PALM2AKAP2: variants seen among roughly 807,000 people sequenced by gnomAD.
The protein encoded by PALM2AKAP2 is PALM2 and AKAP2 fusion.
A neutral mutation model predicts 71.5 loss-of-function variants in PALM2AKAP2; 37 were observed. The observed-to-expected ratio is 0.52, with a 90% confidence interval of 0.40 to 0.68. PALM2AKAP2 has a LOEUF of 0.68. Ranked by LOEUF, PALM2AKAP2 falls within the 30% of genes least tolerant of loss-of-function variation. PALM2AKAP2 has a pLI of 0.00. For synonymous variants in PALM2AKAP2, 468 were observed against 478.8 expected (o/e 0.98, Z 0.29); for missense variants, 1,224 against 1,191.8 (o/e 1.03, Z -0.40).
rs1835484547 is a variant in PALM2AKAP2 at position 110,121,434 on chromosome 9, T to A, written c.157-14693T>A. ...GCTTCCTTCTCTGTGTGCCTTGAATTGGGCCTTGGAGCAGCTTGAAAAGCT... is the reference window on the plus strand; with the variant it reads ...GCTTCCTTCTCTGTGTGCCTTGAATAGGGCCTTGGAGCAGCTTGAAAAGCT... On this transcript the variant is annotated intron_variant, in intron 1 of 3. Transcript: ENST00000374525. Among the ~76,000 whole-genome samples the A allele has an allele frequency of 3.9e-5, 6 of 152,108 alleles. No homozygotes were observed. In the South Asian group the frequency reaches 1.2e-3, roughly 31 times the overall value.
intron 1 of PALM2AKAP2, among the ~76,000 whole-genome samples, chr9:109,805,710 T>C (rs1046678514): frequency 6.6e-6 from 1 of 152,246 alleles, no homozygotes; most frequent in African/African-American, 2.4e-5. Context: ...AGCGACTGAA[T>C]AGATACTTGG....
intron 1 of PALM2AKAP2, among the ~76,000 whole-genome samples, chr9:109,655,794 T>A (rs2132236734): frequency 6.6e-6 from 1 of 152,362 alleles, no homozygotes; most frequent in African/African-American, 2.4e-5. Flanking sequence ...TGAATAATAT[T>A]CCATTGTATG....
At chr9:110,099,792 G>A (rs1053913702) in intron 1 of PALM2AKAP2, among the ~76,000 whole-genome samples, 6 of 151,962 alleles carry the variant, frequency 3.9e-5, no homozygotes, top group East Asian at 1.9e-4. Context: ...GTCAGTTTGC[G>A]CTTTTATGAT....
intron 1 of PALM2AKAP2, among the ~76,000 whole-genome samples, chr9:109,803,374 G>A (rs1827485663): frequency 6.6e-6 from 1 of 152,152 alleles, no homozygotes; most frequent in South Asian, 2.1e-4. Flanking sequence ...TCAAAATGCT[G>A]TTAACCAGGG....
rs114094235 is a variant in PALM2AKAP2 at position 109,732,857 on chromosome 9, G to A, written c.6-47631G>A. 5.0e-3 allele frequency among the ~76,000 whole-genome samples: 765 copies of A among 152,244 alleles called. 9 individuals carry two copies. The highest frequency in any genetic ancestry group is 0.017 in the African/African-American group (722 of 41,544). Reference sequence around the variant, plus strand: ...TGGAGCAAGTTGTGCAAAATTCAGTGTTGAAGAGTGTTCCTGGCAGAGGTT... The same window carrying A: ...TGGAGCAAGTTGTGCAAAATTCAGTATTGAAGAGTGTTCCTGGCAGAGGTT... On this transcript the variant is annotated intron_variant, in intron 1 of 6. Coordinates refer to the PALM2AKAP2 transcript ENST00000374531.
intron 3 of PALM2AKAP2, among the ~76,000 whole-genome samples, chr9:109,888,506 C>T (rs543679424): frequency 9.7e-4 from 148 of 151,954 alleles, no homozygotes; most frequent in African/African-American, 3.3e-3. Context: ...GTCAGGAGTC[C>T]GAGACCAGCC....
At chr9:109,850,647 T>C (rs1306695804) in intron 1 of PALM2AKAP2, among the ~76,000 whole-genome samples, 1 of 152,180 alleles carries the variant, frequency 6.6e-6, no homozygotes, top group African/African-American at 2.4e-5. Flanking sequence ...GTCAAAAATA[T>C]CATTGACTTG....
At chr9:109,812,716 T>A (rs1827756603) in intron 1 of PALM2AKAP2, among the ~76,000 whole-genome samples, 1 of 152,114 alleles carries the variant, frequency 6.6e-6, no homozygotes, top group Non-Finnish European at 1.5e-5. Flanking sequence ...CTTGCCAGCT[T>A]TATTCTTCCC....
chr9:109,981,560 T>A (rs759355552), intron 6 of PALM2AKAP2, among the ~76,000 whole-genome samples: 43 of 152,190 alleles, frequency 2.8e-4, no homozygotes, highest in African/African-American at 1.0e-3. Context: ...TAATAAGGAA[T>A]TAACACATAA....
intron 1 of PALM2AKAP2, among the ~76,000 whole-genome samples, chr9:110,055,992 C>G (rs1400307637): frequency 1.3e-5 from 2 of 152,174 alleles, no homozygotes; most frequent in Non-Finnish European, 2.9e-5. Flanking sequence ...TAGGACTGAG[C>G]TAGACTTTTT....
intron 6 of PALM2AKAP2, among the ~76,000 whole-genome samples, chr9:109,948,443 G>A (rs1449492688): frequency 6.6e-6 from 1 of 152,140 alleles, no homozygotes; most frequent in Non-Finnish European, 1.5e-5. Flanking sequence ...ATGTAATTTT[G>A]GGGACTGCAG....
chr9:109,782,778 A>ATG (rs1376535025), intron 1 of PALM2AKAP2, among the ~76,000 whole-genome samples: 4 of 117,354 alleles, frequency 3.4e-5, no homozygotes, highest in African/African-American at 1.4e-4. Flanking sequence ...GTGTGTGTGT[A>ATG]TGTGTGTGTG....
At chr9:110,133,884 T>C (rs908845906) in intron 1 of PALM2AKAP2, among the ~76,000 whole-genome samples, 3 of 152,246 alleles carry the variant, frequency 2.0e-5, no homozygotes, top group Non-Finnish European at 4.4e-5. Context: ...TTACTTGAAA[T>C]TGAATGGCAG....
At chr9:109,712,702 C>G (rs1348093681) in intron 1 of PALM2AKAP2, among the ~76,000 whole-genome samples, 2 of 152,184 alleles carry the variant, frequency 1.3e-5, no homozygotes, top group Non-Finnish European at 1.5e-5. Flanking sequence ...CTTGGAGTTA[C>G]AGAATGTTTG....
At chr9:110,028,831 A>G (rs1833228266) in intron 7 of PALM2AKAP2, among the ~76,000 whole-genome samples, 1 of 151,572 alleles carries the variant, frequency 6.6e-6, no homozygotes, top group Admixed American at 6.6e-5. Flanking sequence ...CTGTATTTTT[A>G]TTTGCCAAGT....
intron 3 of PALM2AKAP2, among the ~76,000 whole-genome samples, chr9:109,881,184 C>T (rs1056299891): frequency 6.6e-6 from 1 of 152,168 alleles, no homozygotes; most frequent in Non-Finnish European, 1.5e-5. Context: ...TGGCCTCCAC[C>T]TCTATCCATG....
At chr9:109,681,517 A>G (rs1300128930) in intron 1 of PALM2AKAP2, among the ~76,000 whole-genome samples, 1 of 152,208 alleles carries the variant, frequency 6.6e-6, no homozygotes, top group Non-Finnish European at 1.5e-5. Flanking sequence ...TCCTGCCTGC[A>G]GATAACATAC....
At chr9:109,755,057 C>T (rs1367416006) in intron 1 of PALM2AKAP2, among the ~76,000 whole-genome samples, 3 of 152,074 alleles carry the variant, frequency 2.0e-5, no homozygotes, top group Non-Finnish European at 4.4e-5. Flanking sequence ...CCACCTCTGC[C>T]ACCCGAGTCT....
intron 1 of PALM2AKAP2, among the ~76,000 whole-genome samples, chr9:110,109,412 C>T (rs539859493): frequency 1.3e-5 from 2 of 149,576 alleles, no homozygotes; most frequent in Non-Finnish European, 3.0e-5. Context: ...GGTCATGTTT[C>T]GGAGGTCATG....
Sources: gnomAD v4.1 joint callset for allele counts (sites outside exome capture counted in the v4.1 genomes callset) on GRCh38, gnomAD v4.1.1 for gene constraint, MANE v1.5 for transcripts, NCBI Gene and HGNC (gene_info 2026-07-23, HGNC 2026-07-21) for gene names.